ANK2: variants seen among roughly 807,000 people sequenced by gnomAD.
The protein encoded by ANK2 is ankyrin 2, also known as ankyrin-2.
In ANK2, 83 loss-of-function variants were observed where a neutral mutation model predicts 360.5. The observed-to-expected ratio is 0.23, with a 90% CI of 0.19 to 0.28. ANK2 has a LOEUF of 0.28. Among genes scored for constraint, ANK2 ranks in the 10% least tolerant of loss-of-function variants. ANK2 has a pLI of 1.00. For missense variants in ANK2, 4,201 were observed against 4,795.7 expected, an observed-to-expected ratio of 0.88 and a Z score of 3.66; for synonymous variants, 1,740 against 1,759.5, an observed-to-expected ratio of 0.99 and a Z score of 0.28.
chr4:112,792,033 CTTTTTTTTTTTT>C, the ANK2 span, among the ~76,000 whole-genome samples: 3 of 65,970 alleles, frequency 4.5e-5, no homozygotes, highest in Admixed American at 2.2e-4. Context: ...CACATCCTTT[CTTTTTTTTTTTT>C]TTTTTTTTTT....
At chr4:112,893,323 T>G (rs1487840680) in intron 1 of ANK2, among the ~76,000 whole-genome samples, 1 of 150,884 alleles carries the variant, frequency 6.6e-6, no homozygotes, top group Non-Finnish European at 1.5e-5. Context: ...CCTGGTTAAT[T>G]TTTTAAAAAA....
chr4:113,356,285 A>T lies in ANK2; in HGVS notation c.7667A>T (p.Asp2556Val). 1 of 1,614,176 alleles carries T rather than the reference A, an allele frequency of 6.2e-7. No homozygotes were observed. Among genetic ancestry groups the T allele is most frequent in the Non-Finnish European group, 8.5e-7 (1 of 1,180,016 alleles). ...VSYEVTPKTT[D>V]VSTPKPAVIH... ...TATGAGGTTACACCCAAAACCACAGATGTAAGTACACCAAAACCAGCTGTG... is the reference window on the plus strand; with the variant it reads ...TATGAGGTTACACCCAAAACCACAGTTGTAAGTACACCAAAACCAGCTGTG... Residue 2556 changes from aspartate to valine, a missense_variant, in exon 38 of 46, where the codon GAT becomes GTT. By Grantham distance (152) the Asp-to-Val change is radical. Around this residue, in one of 4 missense-constraint regions of ANK2, gnomAD observed 2,642 missense variants for 2,714.5 expected, o/e 0.97. Transcript: ENST00000357077.
chr4:113,344,558 A>T (rs770958947), intron 34 of ANK2, among the ~76,000 whole-genome samples: 9 of 152,306 alleles, frequency 5.9e-5, no homozygotes, highest in Middle Eastern at 3.4e-3. Context: ...ACCCACAAGA[A>T]TTTAAAGTAG....
At chr4:112,788,203 A>G in the ANK2 span, 3 of 1,589,834 alleles carry the variant, frequency 1.9e-6, no homozygotes, top group Non-Finnish European at 2.6e-6. Context: ...CGTATCTGTC[A>G]TTGTAATTGG....
At chr4:112,707,131 G>C in the ANK2 span, among the ~76,000 whole-genome samples, 1 of 152,176 alleles carries the variant, frequency 6.6e-6, no homozygotes, top group Non-Finnish European at 1.5e-5. Flanking sequence ...TTCCTATTTA[G>C]AAAGAGGGCT....
chr4:113,373,282 C>G lies in ANK2; in HGVS notation c.11695-3C>G, dbSNP rs2154074374. ...TAAGATACACAAATGAAATACATTT[C>G]AGGTTACTAGGAAAATCATTAGGCG... On this transcript the variant is annotated splice_region_variant and splice_polypyrimidine_tract_variant and intron_variant, in intron 44 of 45. Transcript: ENST00000357077. 6.2e-7 allele frequency: 1 copy of G among 1,614,064 alleles called. No individual in the cohort carries two copies. The highest frequency in any genetic ancestry group is 8.5e-7 in the Non-Finnish European group (1 of 1,179,948).
chr4:113,105,799 A>G (rs1047932103), intron 1 of ANK2, among the ~76,000 whole-genome samples: 1 of 152,184 alleles, frequency 6.6e-6, no homozygotes, highest in Non-Finnish European at 1.5e-5. Context: ...TGTATTACTC[A>G]AATGTGTGTA....
At chr4:112,923,541 AAAAG>A (rs544329603) in intron 2 of ANK2, among the ~76,000 whole-genome samples, 24 of 152,254 alleles carry the variant, frequency 1.6e-4, no homozygotes, top group African/African-American at 5.8e-4. Flanking sequence ...GATATTTTTG[AAAAG>A]AAAGAAAGAC....
rs570336872 is a variant in ANK2, at chr4:113,106,821, CTT to C, written c.84+57012_84+57013del. The C allele has an allele frequency of 5.1e-4, 258 of 510,792 alleles. 2 individuals carry two copies. Among genetic ancestry groups the C allele is most frequent in the South Asian group, 3.8e-3 (252 of 66,108 alleles). 31.6% of individuals were successfully genotyped at this position (510,792 alleles called of 1,614,324 possible). A position where few individuals can be genotyped will look rare whatever the true frequency, so the allele number is the denominator to read the frequency against. ...CTGACAGATTGGTTGACTCTGTACT[CTT>C]TTATTTTATTCCTGTAACTGGGCCA... is the stretch of plus-strand genomic sequence containing the variant. On this transcript the variant is annotated intron_variant, in intron 1 of 45. Transcript: ENST00000357077.
chr4:112,743,640 TC>T, the ANK2 span, among the ~76,000 whole-genome samples: 2 of 151,122 alleles, frequency 1.3e-5, no homozygotes, highest in Non-Finnish European at 2.9e-5. Context: ...CCTCCCAGGT[TC>T]AAGCAATTCT....
intron 1 of ANK2, among the ~76,000 whole-genome samples, chr4:113,112,534 C>T (rs1035892800): frequency 1.3e-5 from 2 of 152,180 alleles, no homozygotes; most frequent in African/African-American, 4.8e-5. Flanking sequence ...GTGGCTGCTG[C>T]CTGTAATCCC....
chr4:113,056,657 G>A (rs1434971710), intron 1 of ANK2, among the ~76,000 whole-genome samples: 1 of 152,044 alleles, frequency 6.6e-6, no homozygotes, highest in Non-Finnish European at 1.5e-5. Context: ...GATAGAAAAA[G>A]TTTAAATTTT....
intron 1 of ANK2, among the ~76,000 whole-genome samples, chr4:112,842,727 C>G (rs1001687397): frequency 6.6e-6 from 1 of 152,178 alleles, no homozygotes; most frequent in African/African-American, 2.4e-5. Context: ...CTGTGCGGCC[C>G]GCTTCCTGTT....
At chr4:112,728,453 A>C in the ANK2 span, among the ~76,000 whole-genome samples, 1 of 152,106 alleles carries the variant, frequency 6.6e-6, no homozygotes, top group African/African-American at 2.4e-5. Context: ...CTAAGACTGA[A>C]TCATGAACAA....
chr4:113,077,182 T>C (rs552981158), intron 1 of ANK2, among the ~76,000 whole-genome samples: 7 of 148,900 alleles, frequency 4.7e-5, no homozygotes, highest in Non-Finnish European at 8.9e-5. Flanking sequence ...AATGCAGTCA[T>C]TTAAATTAAT....
intron 2 of ANK2, among the ~76,000 whole-genome samples, chr4:113,184,070 G>C (rs556136030): frequency 7.4e-5 from 11 of 149,286 alleles, no homozygotes; most frequent in African/African-American, 2.4e-4. Flanking sequence ...CTCAAGTGAA[G>C]TATGCATCAC....
intron 1 of ANK2, among the ~76,000 whole-genome samples, chr4:113,096,548 GCTTTAT>G (rs2091112381): frequency 6.6e-6 from 1 of 152,062 alleles, no homozygotes; most frequent in African/African-American, 2.4e-5. Context: ...CAGTATTTAT[GCTTTAT>G]CTTTAAGGCC....
At chr4:112,947,371 T>C (rs549552434) in intron 2 of ANK2, among the ~76,000 whole-genome samples, 1 of 152,282 alleles carries the variant, frequency 6.6e-6, no homozygotes, top group Admixed American at 6.5e-5. Context: ...TATTTACCTA[T>C]ATTTCCATAA....
At position 113,358,887 on chromosome 4, in the gene ANK2, A is replaced by T; in HGVS notation, c.10269A>T (p.Glu3423Asp). 1 of 1,614,066 alleles carries T rather than the reference A, an allele frequency of 6.2e-7. No individual in the cohort carries two copies. The highest frequency in any genetic ancestry group is 8.5e-7 in the Non-Finnish European group (1 of 1,179,944). Residue 3423 changes from glutamate (E) to aspartate (D), a missense_variant, in exon 38 of 46, where the codon GAA (glutamate) becomes GAT (aspartate). Transcript: ENST00000357077. ...TETESRERAE[E>D]LELESEEGAT... The stretch of plus-strand genomic sequence containing the variant: ...CAGAGAGCAGAGAGAGGGCCGAGGA[A>T]CTTGAGTTAGAATCAGAAGAAGGGG...
Sources: gnomAD v4.1 joint callset for allele counts (sites outside exome capture counted in the v4.1 genomes callset) on GRCh38, gnomAD v4.1.1 for gene constraint, gnomAD v4.1.1 regional missense constraint, MANE v1.5 for transcripts, NCBI Gene and HGNC (gene_info 2026-07-23, HGNC 2026-07-21) for gene names.